SLCO3A1: variants seen among roughly 807,000 people sequenced by gnomAD.
The protein encoded by SLCO3A1 is PGE1 transporter.
A neutral mutation model predicts 63.1 loss-of-function variants in SLCO3A1; 27 were observed. The ratio of observed to expected loss-of-function variants is 0.43; its 90% CI spans 0.32 to 0.59. The LOEUF (loss-of-function observed/expected upper bound fraction) is 0.59, where lower values mean the gene tolerates loss of function less well. Ranked by LOEUF, SLCO3A1 falls within the 20% of genes least tolerant of loss-of-function variation. The pLI, the probability that SLCO3A1 is intolerant of heterozygous loss-of-function variation, is 0.09. For missense variants in SLCO3A1, 773 were observed against 945.8 expected, an observed-to-expected ratio of 0.82 and a Z score of 2.40; for synonymous variants, 473 against 409.9, an observed-to-expected ratio of 1.15 and a Z score of -1.86.
At chr15:91,969,245 T>C (rs1900769734) in intron 2 of SLCO3A1, among the ~76,000 whole-genome samples, 1 of 152,132 alleles carries the variant, frequency 6.6e-6, no homozygotes. Context: ...GACTACTACA[T>C]GTGGATACTA....
At chr15:91,980,866 A>T (rs1369212211) in intron 2 of SLCO3A1, among the ~76,000 whole-genome samples, 1 of 152,206 alleles carries the variant, frequency 6.6e-6, no homozygotes, top group Admixed American at 6.5e-5. Flanking sequence ...GTGCACCGTG[A>T]TGCTGAAGAC....
At chr15:91,945,661 C>A (rs960757923) in intron 2 of SLCO3A1, among the ~76,000 whole-genome samples, 1 of 152,200 alleles carries the variant, frequency 6.6e-6, no homozygotes, top group African/African-American at 2.4e-5. Context: ...CCCCACAGGG[C>A]CTGGCTGGCT....
intron 2 of SLCO3A1, among the ~76,000 whole-genome samples, chr15:92,004,194 T>C (rs900892154): frequency 6.6e-6 from 1 of 152,094 alleles, no homozygotes; most frequent in Non-Finnish European, 1.5e-5. Context: ...CATGCTGGAC[T>C]AGCTGGGAGT....
chr15:92,141,345 T>G (rs1202657902), intron 7 of SLCO3A1, among the ~76,000 whole-genome samples: 1 of 152,218 alleles, frequency 6.6e-6, no homozygotes, highest in Non-Finnish European at 1.5e-5. Flanking sequence ...GTTAATTGTC[T>G]TAGGGACAGC....
rs2047922727 is a variant in SLCO3A1 at position 92,126,317 on chromosome 15, C to T, written c.1373+58C>T. The T allele has an allele frequency of 2.7e-6, 4 of 1,463,926 alleles. No homozygotes were observed. In the South Asian group the frequency reaches 3.4e-5, roughly 13 times the overall value. 90.7% of individuals were successfully genotyped at this position (1,463,926 alleles called of 1,614,324 possible). ...CTGTTCAGGGACCCTAGCAATCTCCCTCTGCAGTAGGTTGAGGGAACCAGC... is the reference window on the plus strand; with the variant it reads ...CTGTTCAGGGACCCTAGCAATCTCCTTCTGCAGTAGGTTGAGGGAACCAGC... On this transcript the variant is annotated intron_variant, in intron 6 of 9. Transcript: ENST00000318445.
intron 2 of SLCO3A1, among the ~76,000 whole-genome samples, chr15:91,973,085 A>T (rs1166559394): frequency 2.6e-5 from 4 of 152,252 alleles, no homozygotes; most frequent in African/African-American, 9.6e-5. Context: ...ATTGCACTCC[A>T]GTCTGGCAAC....
rs1015934795 is a variant in SLCO3A1, at chr15:91,875,972, G to T, written c.180+21884G>T. ...GCTACCCCTGCTCTAGAATCTTAAA[G>T]AATTCTTAGAGTTGTGGTCTCAGAT... On this transcript the variant is annotated intron_variant, in intron 1 of 9. Coordinates refer to ENST00000318445, the MANE Select transcript of SLCO3A1 (RefSeq NM_013272.4). The surrounding 1 kb of genome is among the most constrained non-coding windows in gnomAD (Gnocchi z 4.5). Among the ~76,000 whole-genome samples the T allele has an allele frequency of 6.6e-6, 1 of 152,136 alleles. No homozygotes were observed. The highest frequency in any genetic ancestry group is 2.4e-5 in the African/African-American group (1 of 41,410).
chr15:91,878,784 A>G (rs1299896440), intron 1 of SLCO3A1, among the ~76,000 whole-genome samples: 2 of 152,208 alleles, frequency 1.3e-5, no homozygotes, highest in African/African-American at 4.8e-5. Context: ...GTAACTGAAA[A>G]AGTACCCATG....
chr15:92,151,157 C>T lies in SLCO3A1; in HGVS notation c.1753+143C>T, dbSNP rs944565790. ...TATTAGTAAATAAGAAATTTTAAGTCTCAAAATTTTGGTCAGAGATAAACT... is the reference window on the plus strand; with the variant it reads ...TATTAGTAAATAAGAAATTTTAAGTTTCAAAATTTTGGTCAGAGATAAACT... On this transcript the variant is annotated intron_variant, in intron 9 of 9. Transcript: ENST00000318445. The T allele has an allele frequency of 2.6e-5, 17 of 656,926 alleles. No individual in the cohort carries two copies. The Admixed American group carries it at 2.8e-4, about 11-fold the overall frequency. The allele number at this position is 656,926 out of a possible 1,614,324, so 40.7% of individuals were successfully genotyped here. A position where few individuals can be genotyped will look rare whatever the true frequency, so the allele number is the denominator to read the frequency against.
intron 2 of SLCO3A1, among the ~76,000 whole-genome samples, chr15:92,051,965 C>T (rs1654413642): frequency 4.6e-5 from 7 of 152,148 alleles, no homozygotes; most frequent in Admixed American, 4.6e-4. Context: ...GTGATGACCT[C>T]ACGAGGCTGT....
chr15:92,028,252 G>T (rs1383840841), intron 2 of SLCO3A1, among the ~76,000 whole-genome samples: 1 of 152,086 alleles, frequency 6.6e-6, no homozygotes, highest in Non-Finnish European at 1.5e-5. Flanking sequence ...GTCCGTTGAA[G>T]TCCCCAGCCA....
intron 5 of SLCO3A1, among the ~76,000 whole-genome samples, chr15:92,123,717 A>C (rs530889212): frequency 6.6e-6 from 1 of 152,216 alleles, no homozygotes; most frequent in Non-Finnish European, 1.5e-5. Flanking sequence ...TGAAGAGTTT[A>C]TCTCTCACCT....
At chr15:91,939,580 T>G (rs1005677792) in intron 2 of SLCO3A1, among the ~76,000 whole-genome samples, 1 of 152,162 alleles carries the variant, frequency 6.6e-6, no homozygotes, top group Non-Finnish European at 1.5e-5. Flanking sequence ...GATGCCACGC[T>G]GCTGCCAGCT....
intron 2 of SLCO3A1, among the ~76,000 whole-genome samples, chr15:91,951,558 CT>C (rs527858153): frequency 0.12 from 16,289 of 137,840 alleles, 836 homozygotes; most frequent in African/African-American, 0.2. Context: ...TTTTTCTTTT[CT>C]TTTTTTTTTT....
rs535789089 is a variant in SLCO3A1 at position 92,024,520 on chromosome 15, G to A, written c.647-70361G>A. 9.8e-5 allele frequency among the ~76,000 whole-genome samples: 15 copies of A among 152,304 alleles called. No homozygotes were observed. In the East Asian group the frequency reaches 2.5e-3, roughly 25 times the overall value. On this transcript the variant is annotated intron_variant, in intron 2 of 9. Transcript: ENST00000318445. ...CCATGTATTGACGTGTTTGTGTGAC[G>A]TTCGTGTGTATGTATTCATCCACCC...
chr15:92,030,385 C>T (rs891367473), intron 2 of SLCO3A1, among the ~76,000 whole-genome samples: 1 of 152,138 alleles, frequency 6.6e-6, no homozygotes, highest in African/African-American at 2.4e-5. Context: ...GGCAGAAGCT[C>T]TGCAGTGGGG....
At chr15:91,990,277 C>T (rs1163772993) in intron 2 of SLCO3A1, among the ~76,000 whole-genome samples, 4 of 152,190 alleles carry the variant, frequency 2.6e-5, no homozygotes, top group Admixed American at 2.0e-4. Flanking sequence ...TCTTCTTTCT[C>T]ATGCAACTTT....
intron 2 of SLCO3A1, among the ~76,000 whole-genome samples, chr15:92,038,742 G>A (rs922138230): frequency 2.6e-5 from 4 of 151,946 alleles, no homozygotes; most frequent in Non-Finnish European, 5.9e-5. Context: ...CATAGAATTC[G>A]AAAAAAACTA....
intron 4 of SLCO3A1, among the ~76,000 whole-genome samples, chr15:92,119,497 G>T (rs181813169): frequency 2.0e-5 from 3 of 152,156 alleles, no homozygotes; most frequent in Non-Finnish European, 2.9e-5. Context: ...GGTAGACTGG[G>T]TGATGAGAAG....
Sources: gnomAD v4.1 joint callset for allele counts (sites outside exome capture counted in the v4.1 genomes callset) on GRCh38, gnomAD v4.1.1 for gene constraint, Gnocchi (gnomAD v3.1) non-coding constraint, MANE v1.5 for transcripts, NCBI Gene and HGNC (gene_info 2026-07-23, HGNC 2026-07-21) for gene names.